Variants in SUGCT observed in about 807,000 individuals in gnomAD.
SUGCT encodes succinyl-CoA:glutarate CoA-transferase.
In SUGCT, 41 loss-of-function variants were observed where a neutral mutation model predicts 55.0. The ratio of observed to expected loss-of-function variants is 0.74; its 90% CI spans 0.58 to 0.97. The LOEUF is 0.97. SUGCT is among the 50% of genes least tolerant of loss of function. The pLI is 0.00. For missense variants in SUGCT, 568 were observed against 547.8 expected (o/e 1.04, Z -0.37); for synonymous variants, 187 against 200.4 (o/e 0.93, Z 0.56).
intron 9 of SUGCT, among the ~76,000 whole-genome samples, chr7:40,388,655 A>G (rs529829346): frequency 6.6e-6 from 1 of 152,248 alleles, no homozygotes; most frequent in South Asian, 2.1e-4. Context: ...ACTTAAAGTG[A>G]TGTGCCTGCC....
intron 6 of SUGCT, among the ~76,000 whole-genome samples, chr7:40,213,746 T>C (rs1175471886): frequency 6.6e-6 from 1 of 152,216 alleles, no homozygotes; most frequent in African/African-American, 2.4e-5. Flanking sequence ...TTGACTTATG[T>C]ATATTTGTTT....
chr7:40,592,028 T>C (rs1797751403), intron 12 of SUGCT, among the ~76,000 whole-genome samples: 1 of 152,212 alleles, frequency 6.6e-6, no homozygotes, highest in African/African-American at 2.4e-5. Context: ...AAGGTATGCC[T>C]ATATTTCTTG....
intron 6 of SUGCT, among the ~76,000 whole-genome samples, chr7:40,226,989 C>T (rs1027068000): frequency 1.2e-4 from 18 of 147,266 alleles, no homozygotes; most frequent in Non-Finnish European, 6.0e-5. Flanking sequence ...TTTTTAACAT[C>T]TTATTGTGGA....
intron 13 of SUGCT, among the ~76,000 whole-genome samples, chr7:40,757,707 T>G (rs1048069549): frequency 6.6e-6 from 1 of 152,098 alleles, no homozygotes; most frequent in African/African-American, 2.4e-5. Flanking sequence ...ATAATCCGAG[T>G]GGACCATTGA....
intron 11 of SUGCT, among the ~76,000 whole-genome samples, chr7:40,473,766 A>G (rs1038449565): frequency 6.6e-6 from 1 of 152,218 alleles, no homozygotes. Context: ...AAATTAATTT[A>G]GGAACTCACT....
intron 9 of SUGCT, among the ~76,000 whole-genome samples, chr7:40,373,955 C>T (rs942210806): frequency 6.6e-6 from 1 of 152,118 alleles, no homozygotes; most frequent in Non-Finnish European, 1.5e-5. Flanking sequence ...ACTAGAACCC[C>T]TATCATGTCT....
At chr7:40,710,758 C>A (rs547603459) in intron 12 of SUGCT, among the ~76,000 whole-genome samples, 1 of 152,122 alleles carries the variant, frequency 6.6e-6, no homozygotes, top group Non-Finnish European at 1.5e-5. Flanking sequence ...AGATCAACCC[C>A]AGGGCTCATC....
intron 6 of SUGCT, among the ~76,000 whole-genome samples, chr7:40,224,894 C>T (rs780782849): frequency 4.6e-5 from 7 of 152,082 alleles, no homozygotes; most frequent in Non-Finnish European, 7.3e-5. Flanking sequence ...CCTGTGGGGC[C>T]GCAATCATTC....
chr7:40,377,173 T>C, intron 9 of SUGCT, among the ~76,000 whole-genome samples: 1 of 15,872 alleles, frequency 6.3e-5, no homozygotes, highest in South Asian at 4.6e-3. Flanking sequence ...TTTCTTTCTT[T>C]CTTTCTTTCT....
intron 12 of SUGCT, among the ~76,000 whole-genome samples, chr7:40,665,993 A>G (rs1801609846): frequency 6.6e-6 from 1 of 152,038 alleles, no homozygotes; most frequent in African/African-American, 2.4e-5. Context: ...GGTAGAGAGA[A>G]TAGGATTTGA....
intron 11 of SUGCT, among the ~76,000 whole-genome samples, chr7:40,491,644 G>C (rs956770850): frequency 6.9e-6 from 1 of 145,034 alleles, no homozygotes; most frequent in Admixed American, 6.7e-5. Context: ...AGAGAACAAA[G>C]AGTACTGGGA....
chr7:40,247,411 A>G (rs1230112607), intron 7 of SUGCT, among the ~76,000 whole-genome samples: 1 of 152,050 alleles, frequency 6.6e-6, no homozygotes, highest in East Asian at 1.9e-4. Flanking sequence ...ACCCACCACC[A>G]TGACCGGCTA....
chr7:40,157,997 A>C (rs1169877519), intron 1 of SUGCT, among the ~76,000 whole-genome samples: 1 of 152,056 alleles, frequency 6.6e-6, no homozygotes, highest in African/African-American at 2.4e-5. Flanking sequence ...TCACGAGGTC[A>C]AGAGTTCAAG....
chr7:40,352,258 T>C (rs879458183), intron 9 of SUGCT, among the ~76,000 whole-genome samples: 2 of 152,230 alleles, frequency 1.3e-5, no homozygotes, highest in African/African-American at 2.4e-5. Flanking sequence ...TGTGTGTGTA[T>C]ATTTACTTCT....
intron 12 of SUGCT, among the ~76,000 whole-genome samples, chr7:40,592,313 A>C (rs892326865): frequency 6.6e-6 from 1 of 152,160 alleles, no homozygotes; most frequent in African/African-American, 2.4e-5. Flanking sequence ...GCAGAGATTC[A>C]AATAAAATAA....
the SUGCT span, among the ~76,000 whole-genome samples, chr7:40,945,898 T>C: frequency 6.5e-3 from 995 of 152,212 alleles, 4 homozygotes; most frequent in Non-Finnish European, 9.5e-3. Flanking sequence ...TGACCTGTCC[T>C]CTAGTCTCCC....
At chr7:40,598,617 G>A (rs1288895353) in intron 12 of SUGCT, among the ~76,000 whole-genome samples, 1 of 152,188 alleles carries the variant, frequency 6.6e-6, no homozygotes, top group Non-Finnish European at 1.5e-5. Flanking sequence ...TGAGCATGCA[G>A]GGGTCAAACA....
intron 12 of SUGCT, among the ~76,000 whole-genome samples, chr7:40,687,829 GGC>G (rs200897154): frequency 0.011 from 1,661 of 152,252 alleles, 22 homozygotes; most frequent in African/African-American, 0.038. Context: ...TCCTTCACCA[GGC>G]TTCTGTGAAG....
intron 12 of SUGCT, among the ~76,000 whole-genome samples, chr7:40,544,171 C>T (rs1794862338): frequency 3.3e-5 from 5 of 150,632 alleles, no homozygotes; most frequent in South Asian, 2.1e-4. Flanking sequence ...TGTACACACC[C>T]GGTGTCCTGT....
Sources: gnomAD v4.1 joint callset for allele counts (sites outside exome capture counted in the v4.1 genomes callset) on GRCh38, gnomAD v4.1.1 for gene constraint, MANE v1.5 for transcripts, NCBI Gene and HGNC (gene_info 2026-07-23, HGNC 2026-07-21) for gene names.